Variants in CSMD1 observed in about 807,000 individuals in gnomAD.
CSMD1 encodes CUB and sushi domain-containing protein 1.
Under a neutral mutation model 417.5 loss-of-function variants are expected in CSMD1, and 213 were observed. The observed-to-expected ratio is 0.51, with a 90% CI of 0.46 to 0.57. The LOEUF (loss-of-function observed/expected upper bound fraction) is 0.57. CSMD1 is among the 20% of genes least tolerant of loss of function. The pLI is 0.00. For synonymous variants in CSMD1, 2,862 were observed against 1,736.8 expected, an observed-to-expected ratio of 1.65 and a Z score of -16.11; for missense variants, 6,923 against 4,529.7, an observed-to-expected ratio of 1.53 and a Z score of -15.17.
chr8:3,052,125 C>G (rs73488474), intron 50 of CSMD1, among the ~76,000 whole-genome samples: 7,510 of 152,128 alleles, frequency 0.049, 626 homozygotes, highest in African/African-American at 0.17. Flanking sequence ...ATCTTGAGTA[C>G]AGTCTTATTG....
chr8:4,687,427 A>T (rs1218377600), intron 1 of CSMD1, among the ~76,000 whole-genome samples: 1 of 152,166 alleles, frequency 6.6e-6, no homozygotes, highest in Non-Finnish European at 1.5e-5. Flanking sequence ...AAAATGAAAA[A>T]CTTTCAATGT....
At chr8:3,205,427 C>G (rs1250802513) in intron 31 of CSMD1, 77 bp downstream of exon 31, 1 of 757,672 alleles carries the variant, frequency 1.3e-6, no homozygotes, top group Non-Finnish European at 2.2e-6. Flanking sequence ...CTCTAGCATA[C>G]TTGTTTATCA....
intron 1 of CSMD1, among the ~76,000 whole-genome samples, chr8:4,641,216 A>C (rs1036736781): frequency 6.6e-6 from 1 of 152,004 alleles, no homozygotes. Context: ...TAATTCAAAC[A>C]AACTTCCAAG....
intron 1 of CSMD1, among the ~76,000 whole-genome samples, chr8:4,937,729 A>C (rs146271209): frequency 1.3e-5 from 2 of 152,276 alleles, no homozygotes; most frequent in East Asian, 3.9e-4. Flanking sequence ...ACGCCTGAGC[A>C]GAGTAAGATA....
chr8:3,935,765 C>A (rs2129701723), intron 5 of CSMD1, among the ~76,000 whole-genome samples: 1 of 152,210 alleles, frequency 6.6e-6, no homozygotes, highest in African/African-American at 2.4e-5. Flanking sequence ...CAGCAATAAT[C>A]AAATTAGGCC....
chr8:3,423,880 G>A (rs746238926), intron 12 of CSMD1, among the ~76,000 whole-genome samples: 12 of 152,128 alleles, frequency 7.9e-5, no homozygotes, highest in Non-Finnish European at 1.5e-4. Flanking sequence ...GGCACGAGCT[G>A]CTTGTGTTTA....
intron 3 of CSMD1, among the ~76,000 whole-genome samples, chr8:4,301,384 C>T (rs1668624036): frequency 6.6e-6 from 1 of 152,152 alleles, no homozygotes; most frequent in Non-Finnish European, 1.5e-5. Flanking sequence ...GTAGCCAATG[C>T]TTTGATTCTG....
At chr8:4,488,356 CTT>C (rs1801522379) in intron 2 of CSMD1, among the ~76,000 whole-genome samples, 1 of 152,030 alleles carries the variant, frequency 6.6e-6, no homozygotes, top group Admixed American at 6.6e-5. Context: ...ATTCTGAACA[CTT>C]GACATATAGA....
At chr8:4,276,462 C>T (rs1346642050) in intron 3 of CSMD1, among the ~76,000 whole-genome samples, 1 of 152,050 alleles carries the variant, frequency 6.6e-6, no homozygotes, top group African/African-American at 2.4e-5. Flanking sequence ...CATCACACAC[C>T]AGGGCCTGTC....
chr8:3,399,096 T>A lies in CSMD1; in HGVS notation c.2405+295A>T, dbSNP rs1315833243. On this transcript the variant is annotated intron_variant, in intron 16 of 69. Coordinates refer to ENST00000635120, the MANE Select transcript of CSMD1 (RefSeq NM_033225.6). ...ATGTGCAATCAGACATCAAGCTGAA[T>A]TGATTCCAGTGCAGGTCCCAAACCC... Among the ~76,000 whole-genome samples, 3 of 152,186 alleles carry A rather than the reference T, an allele frequency of 2.0e-5. No homozygotes were observed. In the East Asian group the frequency reaches 5.8e-4, roughly 30 times the overall value.
intron 54 of CSMD1, among the ~76,000 whole-genome samples, chr8:2,979,069 T>C (rs1258046355): frequency 1.3e-5 from 2 of 152,204 alleles, no homozygotes; most frequent in African/African-American, 4.8e-5. Flanking sequence ...TCAACGTAAA[T>C]TCTGAAGTTA....
intron 25 of CSMD1, among the ~76,000 whole-genome samples, chr8:3,285,188 A>G (rs1803053266): frequency 6.6e-6 from 1 of 152,184 alleles, no homozygotes; most frequent in Admixed American, 6.5e-5. Context: ...TGGACGACAA[A>G]CAAAAAAACT....
At chr8:4,920,711 T>C (rs760031925) in intron 1 of CSMD1, among the ~76,000 whole-genome samples, 4 of 151,746 alleles carry the variant, frequency 2.6e-5, no homozygotes, top group South Asian at 2.1e-4. Context: ...CAATCCCAGC[T>C]ACTTAGAAGG....
intron 54 of CSMD1, among the ~76,000 whole-genome samples, chr8:2,982,180 A>T (rs1805482574): frequency 1.3e-5 from 2 of 151,986 alleles, no homozygotes; most frequent in Non-Finnish European, 1.5e-5. Context: ...ACACGGCGAA[A>T]CCCCATCTCT....
intron 3 of CSMD1, among the ~76,000 whole-genome samples, chr8:4,138,912 T>G (rs987478366): frequency 1.3e-5 from 2 of 152,188 alleles, no homozygotes; most frequent in African/African-American, 4.8e-5. Context: ...TTTAATCCAG[T>G]CCTGCAAGCT....
At chr8:4,465,630 T>G (rs1240875092) in intron 2 of CSMD1, among the ~76,000 whole-genome samples, 1 of 152,160 alleles carries the variant, frequency 6.6e-6, no homozygotes, top group Admixed American at 6.5e-5. Context: ...AAGGCCTCAG[T>G]AGAACAAGAT....
intron 2 of CSMD1, among the ~76,000 whole-genome samples, chr8:4,566,192 T>C (rs377210902): frequency 1.2e-4 from 19 of 152,116 alleles, no homozygotes; most frequent in African/African-American, 4.6e-4. Flanking sequence ...CCATCTACAA[T>C]AGACCATGCT....
intron 2 of CSMD1, among the ~76,000 whole-genome samples, chr8:4,429,651 C>A (rs1415056781): frequency 6.6e-6 from 1 of 152,104 alleles, no homozygotes; most frequent in African/African-American, 2.4e-5. Context: ...GAGGAGGGCC[C>A]TTCATGCTGG....
intron 3 of CSMD1, among the ~76,000 whole-genome samples, chr8:4,360,954 T>G (rs1423230018): frequency 6.6e-6 from 1 of 152,218 alleles, no homozygotes; most frequent in Non-Finnish European, 1.5e-5. Flanking sequence ...TCATGGGACT[T>G]GAGGAATACT....
Sources: gnomAD v4.1 joint callset for allele counts (sites outside exome capture counted in the v4.1 genomes callset) on GRCh38, gnomAD v4.1.1 for gene constraint, MANE v1.5 for transcripts, NCBI Gene and HGNC (gene_info 2026-07-23, HGNC 2026-07-21) for gene names.